NAA35: variants seen among roughly 807,000 people sequenced by gnomAD.
NAA35 encodes the protein N-alpha-acetyltransferase 35, NatC auxiliary subunit.
A neutral mutation model predicts 101.7 loss-of-function variants in NAA35; 18 were observed. That is an observed-to-expected ratio of 0.18 (90% CI 0.12 to 0.26). The LOEUF (loss-of-function observed/expected upper bound fraction) is 0.26. Among genes scored for constraint, NAA35 ranks in the 10% least tolerant of loss-of-function variants. The pLI is 1.00. For missense variants in NAA35, 601 were observed against 886.8 expected, an observed-to-expected ratio of 0.68 and a Z score of 4.09; for synonymous variants, 267 against 273.1, an observed-to-expected ratio of 0.98 and a Z score of 0.22.
At chr9:85,953,061 A>G (rs1000000904) in intron 2 of NAA35, among the ~76,000 whole-genome samples, 1 of 152,012 alleles carries the variant, frequency 6.6e-6, no homozygotes, top group African/African-American at 2.4e-5. Flanking sequence ...AAATACAAAA[A>G]AATTAGCCGG....
At chr9:86,016,074 A>G (rs1832202852) in intron 17 of NAA35, among the ~76,000 whole-genome samples, 1 of 151,884 alleles carries the variant, frequency 6.6e-6, no homozygotes, top group African/African-American at 2.4e-5. Context: ...GCAGTGTTAA[A>G]GTTCTGAAAA....
intron 2 of NAA35, among the ~76,000 whole-genome samples, chr9:85,950,492 G>A (rs564426521): frequency 1.3e-5 from 2 of 152,226 alleles, no homozygotes; most frequent in Admixed American, 1.3e-4. Flanking sequence ...TGAACCGCCT[G>A]CCTTGGCTCC....
At chr9:85,969,110 C>A (rs1234613181) in intron 6 of NAA35, among the ~76,000 whole-genome samples, 1 of 152,056 alleles carries the variant, frequency 6.6e-6, no homozygotes, top group African/African-American at 2.4e-5. Context: ...CTGTGTCATT[C>A]TAGTTTTTTG....
At chr9:85,992,477 A>G (rs13296718) in intron 11 of NAA35, among the ~76,000 whole-genome samples, 1 of 152,224 alleles carries the variant, frequency 6.6e-6, no homozygotes, top group Non-Finnish European at 1.5e-5. Context: ...TGTTGGATAC[A>G]CCTTAATCAA....
intron 8 of NAA35, among the ~76,000 whole-genome samples, chr9:85,975,614 T>A (rs1294832491): frequency 6.6e-6 from 1 of 152,244 alleles, no homozygotes; most frequent in East Asian, 1.9e-4. Flanking sequence ...AATGTTATTT[T>A]AAAATTTTTT....
rs571559530 is a variant in NAA35, at chr9:86,023,151, C to A, written c.*1191C>A. On this transcript the variant is annotated 3_prime_UTR_variant, in exon 23 of 23. Transcript: ENST00000361671. ...GTTGCCCCTCTTTGCAGCTAATGAG[C>A]CCTCTTGGCTCTCCTTTCCAAGAGC... is the stretch of plus-strand genomic sequence containing the variant. 2.0e-5 allele frequency among the ~76,000 whole-genome samples: 3 copies of A among 152,256 alleles called. No individual in the cohort carries two copies. In the East Asian group the frequency reaches 5.8e-4, roughly 29 times the overall value.
chr9:86,017,532 A>G lies in NAA35; in HGVS notation c.1740A>G (p.Gln580=). ...RPLSREITMS[Q]AYQNMCAGMF... is the part of the protein sequence containing the mutation. Reference sequence around the variant, plus strand: ...TGAGCCGAGAGATCACAATGAGCCAAGCATATCAGAACATGTGTGCTGGAA... The same window carrying G: ...TGAGCCGAGAGATCACAATGAGCCAGGCATATCAGAACATGTGTGCTGGAA... The change falls in exon 19 of 23, where the codon CAA becomes CAG. Residue 580 remains glutamine (Q), a synonymous_variant. Coordinates refer to ENST00000361671, the MANE Select transcript of NAA35 (RefSeq NM_024635.4). 6.2e-7 allele frequency: 1 copy of G among 1,613,920 alleles called. No homozygotes were observed. Among genetic ancestry groups the G allele is most frequent in the Non-Finnish European group, 8.5e-7 (1 of 1,179,878 alleles).
rs1375802073 is a variant in NAA35 at position 86,013,099 on chromosome 9, T to G, written c.1344T>G (p.Asp448Glu). Reference protein sequence around the residue: ...IHGHNRARQRDKLGHILEEFA... With the variant: ...IHGHNRARQREKLGHILEEFA... Reference sequence around the variant, plus strand: ...GACATAACAGGGCTCGACAGAGAGATAAGCTTGGTCATATTCTTGAGGAAT... The same window carrying G: ...GACATAACAGGGCTCGACAGAGAGAGAAGCTTGGTCATATTCTTGAGGAAT... The change falls in exon 16 of 23, where the codon GAT becomes GAG. Residue 448 changes from aspartate (D) to glutamate (E), a missense_variant. Physicochemically the swap from Asp to Glu is conservative, Grantham distance 45. Around this residue, in one of 8 missense-constraint regions of NAA35, gnomAD observed 99 missense variants for 206.7 expected, o/e 0.48. Coordinates refer to ENST00000361671, the MANE Select transcript of NAA35 (RefSeq NM_024635.4). The G allele has an allele frequency of 1.9e-6, 3 of 1,596,666 alleles. No individual in the cohort carries two copies. The highest frequency in any genetic ancestry group is 2.3e-5 in the South Asian group (2 of 88,546).
chr9:86,010,297 G>GT (rs1191204066), intron 15 of NAA35, among the ~76,000 whole-genome samples: 1 of 151,942 alleles, frequency 6.6e-6, no homozygotes, highest in Non-Finnish European at 1.5e-5. Context: ...AATTCCTTCA[G>GT]TGTCTGTGCT....
chr9:85,977,490 T>G, intron 10 of NAA35, 44 bp downstream of exon 10: 1 of 1,417,680 alleles, frequency 7.1e-7, no homozygotes, highest in Non-Finnish European at 9.9e-7. Flanking sequence ...TTAGTGATTT[T>G]GGCTGGAATT....
intron 9 of NAA35, 72 bp downstream of exon 9, chr9:85,976,807 C>A: frequency 8.6e-7 from 1 of 1,161,382 alleles, no homozygotes; most frequent in South Asian, 1.5e-5. Context: ...TTATGAACTG[C>A]GTTATAATTT....
chr9:86,010,939 T>C (rs1014557451), intron 15 of NAA35, among the ~76,000 whole-genome samples: 13 of 151,524 alleles, frequency 8.6e-5, no homozygotes, highest in African/African-American at 2.4e-4. Context: ...ATGAACTGAG[T>C]TATAATAAAA....
chr9:85,954,325 C>T (rs1186874171), intron 2 of NAA35, among the ~76,000 whole-genome samples: 1 of 152,182 alleles, frequency 6.6e-6, no homozygotes, highest in Non-Finnish European at 1.5e-5. Context: ...TTAGGCAGTC[C>T]TCCTGCCTTG....
At position 86,024,735 on chromosome 9, in the gene NAA35, C is replaced by CTTGTGTAGATAT; in HGVS notation, c.*2775_*2776insTTGTGTAGATAT. ...GTAGATATCTAGGCAAGGTAGGAGA[C>CTTGTGTAGATAT]CAGGTTTGGGATAAAGATTGCTTTA... is the stretch of plus-strand genomic sequence containing the variant. On this transcript the variant is annotated 3_prime_UTR_variant, in exon 23 of 23. Coordinates refer to ENST00000361671, the MANE Select transcript of NAA35 (RefSeq NM_024635.4). 1.3e-5 allele frequency among the ~76,000 whole-genome samples: 2 copies of CTTGTGTAGATAT among 149,738 alleles called. No homozygotes were observed. The highest frequency in any genetic ancestry group is 7.1e-3 in the Middle Eastern group (2 of 280).
At chr9:85,971,889 A>G (rs1018473111) in intron 6 of NAA35, among the ~76,000 whole-genome samples, 2 of 151,132 alleles carry the variant, frequency 1.3e-5, no homozygotes, top group Non-Finnish European at 2.9e-5. Flanking sequence ...TGCAATCCCA[A>G]TCCAAGTCAT....
intron 6 of NAA35, among the ~76,000 whole-genome samples, chr9:85,973,402 G>C (rs1289333657): frequency 6.6e-6 from 1 of 152,178 alleles, no homozygotes; most frequent in African/African-American, 2.4e-5. Context: ...TGTGGTAGGT[G>C]GGGGAGTTGT....
At chr9:85,981,167 G>T (rs1353496013) in intron 11 of NAA35, among the ~76,000 whole-genome samples, 1 of 152,144 alleles carries the variant, frequency 6.6e-6, no homozygotes, top group Non-Finnish European at 1.5e-5. Context: ...AAAAGAGGGA[G>T]TGTGTTTATA....
At chr9:85,941,870 C>T in intron 1 of NAA35, 1 of 1,116,768 alleles carries the variant, frequency 9.0e-7, no homozygotes. Flanking sequence ...CTTTTCGGGC[C>T]AGAGGTGAGA....
At chr9:85,979,509 A>G (rs559299995) in intron 11 of NAA35, among the ~76,000 whole-genome samples, 9 of 152,322 alleles carry the variant, frequency 5.9e-5, no homozygotes, top group South Asian at 4.1e-4. Flanking sequence ...CATAAAGTAC[A>G]TTGATTTATT....
Sources: gnomAD v4.1 joint callset for allele counts (sites outside exome capture counted in the v4.1 genomes callset) on GRCh38, gnomAD v4.1.1 for gene constraint, gnomAD v4.1.1 regional missense constraint, MANE v1.5 for transcripts, NCBI Gene and HGNC (gene_info 2026-07-23, HGNC 2026-07-21) for gene names.